Variants in CSMD1 observed in about 807,000 individuals in gnomAD.
CSMD1 encodes the protein CUB and sushi domain-containing protein 1.
Under a neutral mutation model 417.5 loss-of-function variants are expected in CSMD1, and 213 were observed. The observed-to-expected ratio is 0.51, with a 90% CI of 0.46 to 0.57. CSMD1 has a LOEUF of 0.57. Among genes scored for constraint, CSMD1 ranks in the 20% least tolerant of loss-of-function variants. The pLI, the probability that CSMD1 is intolerant of heterozygous loss-of-function variation, is 0.00. For synonymous variants in CSMD1, 2,862 were observed against 1,736.8 expected, an observed-to-expected ratio of 1.65 and a Z score of -16.11; for missense variants, 6,923 against 4,529.7, an observed-to-expected ratio of 1.53 and a Z score of -15.17.
intron 5 of CSMD1, among the ~76,000 whole-genome samples, chr8:3,826,539 G>C (rs1802064481): frequency 6.6e-6 from 1 of 152,056 alleles, no homozygotes; most frequent in Admixed American, 6.6e-5. Flanking sequence ...TGTCTTCCAA[G>C]TCCCGGCTGA....
chr8:4,242,457 T>C (rs1273212363), intron 3 of CSMD1, among the ~76,000 whole-genome samples: 6 of 152,206 alleles, frequency 3.9e-5, no homozygotes. Flanking sequence ...ATAGGACTAT[T>C]GTTGTGAGCA....
intron 5 of CSMD1, among the ~76,000 whole-genome samples, chr8:3,777,399 C>T (rs1798950766): frequency 6.6e-6 from 1 of 152,114 alleles, no homozygotes; most frequent in African/African-American, 2.4e-5. Context: ...TGGCCCCCTC[C>T]ACTGCTCTTG....
intron 1 of CSMD1, among the ~76,000 whole-genome samples, chr8:4,889,514 C>A (rs576157857): frequency 6.6e-6 from 1 of 151,918 alleles, no homozygotes; most frequent in South Asian, 2.1e-4. Context: ...ATATGTTTAT[C>A]ATTACAGGAA....
intron 37 of CSMD1, among the ~76,000 whole-genome samples, chr8:3,163,707 G>A (rs540069069): frequency 1.3e-3 from 198 of 152,178 alleles, no homozygotes; most frequent in African/African-American, 3.7e-3. Context: ...TGTGACTCAC[G>A]CAGTGCCCAC....
At chr8:4,822,242 C>T (rs187156486) in intron 1 of CSMD1, among the ~76,000 whole-genome samples, 82 of 152,108 alleles carry the variant, frequency 5.4e-4, no homozygotes, top group African/African-American at 1.8e-3. Context: ...TTCACCGTAC[C>T]ACTTGCTAAC....
intron 20 of CSMD1, among the ~76,000 whole-genome samples, chr8:3,360,865 T>C (rs1337974983): frequency 1.3e-5 from 2 of 152,130 alleles, no homozygotes; most frequent in Non-Finnish European, 2.9e-5. Context: ...TTTTTTTTTT[T>C]TTTAGTTTAG....
At chr8:3,645,842 C>T (rs1797546706) in intron 7 of CSMD1, among the ~76,000 whole-genome samples, 2 of 152,110 alleles carry the variant, frequency 1.3e-5, no homozygotes, top group African/African-American at 4.8e-5. Context: ...AAGAATCACT[C>T]CATTGTTTAA....
intron 12 of CSMD1, among the ~76,000 whole-genome samples, chr8:3,417,761 C>G (rs1813247944): frequency 1.3e-5 from 2 of 152,118 alleles, no homozygotes; most frequent in Non-Finnish European, 2.9e-5. Context: ...AATCCCTAAA[C>G]TAATTGATAT....
chr8:4,490,648 C>G (rs1272865598), intron 2 of CSMD1, among the ~76,000 whole-genome samples: 1 of 152,018 alleles, frequency 6.6e-6, no homozygotes, highest in Non-Finnish European at 1.5e-5. Flanking sequence ...CCCATTTGAC[C>G]CATGCTCAGA....
intron 3 of CSMD1, among the ~76,000 whole-genome samples, chr8:4,289,853 C>G (rs899249402): frequency 4.6e-5 from 7 of 152,140 alleles, no homozygotes; most frequent in Admixed American, 4.6e-4. Context: ...AGTAGATATT[C>G]AAAGTGTATT....
chr8:4,734,659 T>C (rs796981422), intron 1 of CSMD1, among the ~76,000 whole-genome samples: 58 of 152,340 alleles, frequency 3.8e-4, no homozygotes, highest in African/African-American at 1.3e-3. Context: ...ATTTTAACAA[T>C]GATTCTTAGC....
At chr8:4,597,559 C>T (rs1318715746) in intron 2 of CSMD1, among the ~76,000 whole-genome samples, 1 of 151,476 alleles carries the variant, frequency 6.6e-6, no homozygotes, top group East Asian at 1.9e-4. Context: ...AACTTATTTC[C>T]CAAAACAATG....
At chr8:3,016,851 G>A (rs945984348) in intron 52 of CSMD1, among the ~76,000 whole-genome samples, 1 of 152,046 alleles carries the variant, frequency 6.6e-6, no homozygotes, top group Non-Finnish European at 1.5e-5. Flanking sequence ...ACATGTTTGG[G>A]GGCATCTCCA....
Position 4,061,291 on chromosome 8 carries a change from A to G in CSMD1, c.416-29192T>C, listed in dbSNP as rs1449298250. Among the ~76,000 whole-genome samples, 3 of 152,204 alleles carry G rather than the reference A, an allele frequency of 2.0e-5. No individual in the cohort carries two copies. In the East Asian group the frequency reaches 5.8e-4, roughly 29 times the overall value. ...GAATATTGACTTCACAGAGAGGTAC[A>G]TCTTATCATACAAGAATTTCTTTAA... On this transcript the variant is annotated intron_variant, in intron 3 of 69. Transcript: ENST00000635120.
Position 4,042,771 on chromosome 8 carries a change from T to C in CSMD1, c.416-10672A>G, listed in dbSNP as rs185208069. 2.1e-3 allele frequency among the ~76,000 whole-genome samples: 291 copies of C among 141,182 alleles called. 7 individuals carry two copies. In the South Asian group the frequency reaches 0.023, roughly 11 times the overall value. The allele number at this position is 141,182 out of a possible 152,430, so 92.6% of individuals were successfully genotyped here. The stretch of plus-strand genomic sequence containing the variant: ...CTGGGTAAGAAGAAAGGAGAGCACA[T>C]TGCTGTATCTTCGCTATACAATAGG... On this transcript the variant is annotated intron_variant, in intron 3 of 69. Transcript: ENST00000635120.
At chr8:3,719,684 T>C (rs1457520342) in intron 6 of CSMD1, among the ~76,000 whole-genome samples, 1 of 152,134 alleles carries the variant, frequency 6.6e-6, no homozygotes, top group Non-Finnish European at 1.5e-5. Context: ...AGGGGTGTCA[T>C]TCACATAGAA....
chr8:4,028,729 T>A (rs2130554746), intron 4 of CSMD1, among the ~76,000 whole-genome samples: 1 of 152,352 alleles, frequency 6.6e-6, no homozygotes, highest in South Asian at 2.1e-4. Context: ...AAATGAGTGT[T>A]AATAATTATT....
chr8:3,058,606 C>T (rs889434013), intron 49 of CSMD1, among the ~76,000 whole-genome samples: 1 of 152,138 alleles, frequency 6.6e-6, no homozygotes, highest in East Asian at 1.9e-4. Flanking sequence ...AATGTTTGTG[C>T]CACAACTTCT....
intron 1 of CSMD1, among the ~76,000 whole-genome samples, chr8:4,941,834 A>T (rs1243001676): frequency 2.6e-5 from 4 of 152,110 alleles, no homozygotes; most frequent in Admixed American, 1.3e-4. Flanking sequence ...CCTGAGCTCA[A>T]AGCAATCCTC....
Sources: allele counts gnomAD v4.1 joint callset (sites outside exome capture counted in the v4.1 genomes callset), GRCh38; gene constraint gnomAD v4.1.1; transcripts MANE v1.5; gene names NCBI Gene and HGNC (gene_info 2026-07-23, HGNC 2026-07-21).